PCDH15: variants seen among roughly 807,000 people sequenced by gnomAD.
PCDH15 encodes protocadherin-15.
Under a neutral mutation model 178.5 loss-of-function variants are expected in PCDH15, and 129 were observed. The observed-to-expected ratio is 0.72, with a 90% CI of 0.63 to 0.84. The LOEUF (loss-of-function observed/expected upper bound fraction) is 0.84, where lower values mean the gene tolerates loss of function less well. Ranked by LOEUF, PCDH15 falls within the 40% of genes least tolerant of loss-of-function variation. The probability of loss-of-function intolerance (pLI) is 0.00; values close to 1 mark genes in which losing one functional copy is unlikely to be tolerated. For synonymous variants in PCDH15, 800 were observed against 732.0 expected (o/e 1.09, Z -1.50); for missense variants, 2,230 against 2,099.9 (o/e 1.06, Z -1.21).
chr10:54,094,371 G>A (rs1001915203), intron 15 of PCDH15, among the ~76,000 whole-genome samples: 2 of 152,212 alleles, frequency 1.3e-5, no homozygotes, highest in Non-Finnish European at 2.9e-5. Context: ...AGAGCAGGGT[G>A]AGGATTTACA....
intron 2 of PCDH15, among the ~76,000 whole-genome samples, chr10:55,381,852 A>G (rs1374454958): frequency 1.6e-4 from 25 of 152,140 alleles, no homozygotes; most frequent in Admixed American, 1.6e-3. Context: ...CCTTCTGCCC[A>G]TCATCCCATC....
chr10:54,388,169 G>A (rs1950137198), intron 3 of PCDH15, among the ~76,000 whole-genome samples: 1 of 152,118 alleles, frequency 6.6e-6, no homozygotes, highest in Non-Finnish European at 1.5e-5. Flanking sequence ...AAGGCATTAG[G>A]ATCAATTATC....
At chr10:54,987,680 T>C (rs1023654354) in intron 2 of PCDH15, among the ~76,000 whole-genome samples, 4 of 152,012 alleles carry the variant, frequency 2.6e-5, no homozygotes, top group Non-Finnish European at 5.9e-5. Flanking sequence ...GAAGTGTCTG[T>C]TTATATCCTT....
At chr10:54,069,927 GTTAAA>G (rs1014949105) in intron 17 of PCDH15, among the ~76,000 whole-genome samples, 6 of 152,036 alleles carry the variant, frequency 3.9e-5, no homozygotes, top group South Asian at 2.1e-4. Context: ...TATAATGCCA[GTTAAA>G]TTAAAAAGAT....
At chr10:54,148,333 G>A (rs2044188589) in intron 14 of PCDH15, among the ~76,000 whole-genome samples, 1 of 151,996 alleles carries the variant, frequency 6.6e-6, no homozygotes, top group African/African-American at 2.4e-5. Flanking sequence ...AAAATCTGCA[G>A]ATAATCAAGG....
At chr10:55,362,818 T>G (rs1845261870) in intron 2 of PCDH15, among the ~76,000 whole-genome samples, 1 of 152,176 alleles carries the variant, frequency 6.6e-6, no homozygotes, top group South Asian at 2.1e-4. Context: ...TAGAAATCAC[T>G]GAATTCTTCT....
chr10:54,802,139 G>T (rs940826526), upstream of PCDH15, among the ~76,000 whole-genome samples: 3 of 152,120 alleles, frequency 2.0e-5, no homozygotes, highest in African/African-American at 7.2e-5. Context: ...ACAGACAAAA[G>T]CCCCAGAACA....
intron 3 of PCDH15, among the ~76,000 whole-genome samples, chr10:54,523,053 G>T (rs536619280): frequency 6.0e-4 from 91 of 152,230 alleles, no homozygotes; most frequent in African/African-American, 2.0e-3. Flanking sequence ...ACAAATGACA[G>T]TAAAAGCAAT....
intron 21 of PCDH15, among the ~76,000 whole-genome samples, chr10:53,981,918 C>T (rs1247599216): frequency 6.6e-6 from 1 of 151,028 alleles, no homozygotes; most frequent in Non-Finnish European, 1.5e-5. Context: ...ACAACCTACT[C>T]ATCTGACAAA....
intron 7 of PCDH15, among the ~76,000 whole-genome samples, chr10:54,320,597 T>A (rs866722371): frequency 1.3e-5 from 2 of 152,080 alleles, no homozygotes; most frequent in South Asian, 2.1e-4. Context: ...TAAAAAAAAA[T>A]AGCTCATCAA....
intron 18 of PCDH15, among the ~76,000 whole-genome samples, chr10:54,046,183 T>A (rs896194936): frequency 2.0e-5 from 3 of 152,124 alleles, no homozygotes; most frequent in African/African-American, 7.2e-5. Flanking sequence ...AAGACTGACA[T>A]ACCAAGCACA....
At chr10:54,154,637 C>G (rs914524242) in intron 13 of PCDH15, among the ~76,000 whole-genome samples, 1 of 152,102 alleles carries the variant, frequency 6.6e-6, no homozygotes, top group African/African-American at 2.4e-5. Flanking sequence ...ATACACTGTA[C>G]TGTGCTGAAG....
intron 8 of PCDH15, among the ~76,000 whole-genome samples, chr10:54,302,162 G>T (rs1046620803): frequency 1.3e-5 from 2 of 152,038 alleles, no homozygotes; most frequent in Admixed American, 6.6e-5. Flanking sequence ...ATTTCAAGAT[G>T]ATATTTACTA....
intron 25 of PCDH15, among the ~76,000 whole-genome samples, chr10:53,919,500 A>G (rs866891608): frequency 2.6e-5 from 4 of 152,202 alleles, no homozygotes; most frequent in Non-Finnish European, 4.4e-5. Flanking sequence ...CATTATTTCA[A>G]TTTACTCCTG....
At chr10:54,954,216 C>A (rs747981152) in intron 2 of PCDH15, among the ~76,000 whole-genome samples, 1 of 151,240 alleles carries the variant, frequency 6.6e-6, no homozygotes, top group Non-Finnish European at 1.5e-5. Context: ...TCTCTTGTCT[C>A]CTAAATTATT....
chr10:54,362,501 T>C (rs1459776520), intron 5 of PCDH15, among the ~76,000 whole-genome samples: 1 of 152,080 alleles, frequency 6.6e-6, no homozygotes, highest in East Asian at 1.9e-4. Flanking sequence ...CCTTCCTAAA[T>C]TGTGAATGGC....
intron 8 of PCDH15, among the ~76,000 whole-genome samples, chr10:54,247,334 C>A (rs2132024154): frequency 6.6e-6 from 1 of 151,986 alleles, no homozygotes; most frequent in South Asian, 2.1e-4. Flanking sequence ...AAGTGAAGGT[C>A]TATTTTCTTT....
intron 2 of PCDH15, among the ~76,000 whole-genome samples, chr10:55,070,569 G>C (rs1841708514): frequency 6.6e-6 from 1 of 152,118 alleles, no homozygotes; most frequent in South Asian, 2.1e-4. Context: ...TCTCAGGTTT[G>C]TGAAAGATCA....
At chr10:55,386,972 T>C (rs1350041587) in intron 2 of PCDH15, among the ~76,000 whole-genome samples, 2 of 152,124 alleles carry the variant, frequency 1.3e-5, no homozygotes, top group South Asian at 2.1e-4. Context: ...TGTCCACATA[T>C]ATTTTTGGAG....
Sources: gnomAD v4.1 joint callset for allele counts (sites outside exome capture counted in the v4.1 genomes callset) on GRCh38, gnomAD v4.1.1 for gene constraint, MANE v1.5 for transcripts, NCBI Gene and HGNC (gene_info 2026-07-23, HGNC 2026-07-21) for gene names.